ZFHX4: variants seen among roughly 807,000 people sequenced by gnomAD.
ZFHX4 encodes the protein zinc finger homeobox 4, also known as zinc finger homeobox protein 4.
A neutral mutation model predicts 267.6 loss-of-function variants in ZFHX4; 56 were observed. The ratio of observed to expected loss-of-function variants is 0.21; its 90% CI spans 0.17 to 0.26. ZFHX4 has a LOEUF of 0.26. Among genes scored for constraint, ZFHX4 ranks in the 10% least tolerant of loss-of-function variants. ZFHX4 has a pLI of 1.00. For synonymous variants in ZFHX4, 1,778 were observed against 1,665.6 expected, an observed-to-expected ratio of 1.07 and a Z score of -1.64; for missense variants, 4,332 against 4,420.0, an observed-to-expected ratio of 0.98 and a Z score of 0.56.
chr8:76,754,878 ACT>A (rs1466598354), intron 3 of ZFHX4, among the ~76,000 whole-genome samples: 5 of 151,882 alleles, frequency 3.3e-5, no homozygotes, highest in African/African-American at 1.2e-4. Context: ...ACCATAATTC[ACT>A]CTCTACTTCA....
At position 76,856,244 on chromosome 8, in the gene ZFHX4, T is replaced by C; in HGVS notation, c.9323T>C (p.Leu3108Pro). 1 of 1,613,908 alleles carries C rather than the reference T, an allele frequency of 6.2e-7. No homozygotes were observed. Residue 3108 changes from leucine to proline, a missense_variant, in exon 10 of 11, where the codon CTT (leucine) becomes CCT (proline). Transcript: ENST00000651372. ...GGACTCCCCGGCCTTCCTCCAGTCC[T>C]TCTCCCCGGAATGAACGGTCCATCC... is the stretch of plus-strand genomic sequence containing the variant. The part of the protein sequence containing the change: ...YPGLPGLPPV[L>P]LPGMNGPSSL...
intron 4 of ZFHX4, among the ~76,000 whole-genome samples, chr8:76,826,005 C>A (rs1186502923): frequency 6.6e-6 from 1 of 152,128 alleles, no homozygotes; most frequent in Admixed American, 6.5e-5. Context: ...GAAGAAATAT[C>A]TGAGGCAGAG....
intron 4 of ZFHX4, among the ~76,000 whole-genome samples, chr8:76,827,111 C>G (rs1811806422): frequency 6.6e-6 from 1 of 152,202 alleles, no homozygotes; most frequent in African/African-American, 2.4e-5. Flanking sequence ...TTTTTGGCAC[C>G]AGGAACTGGT....
rs1476525745 is a variant in ZFHX4 at position 76,706,392 on chromosome 8, G to T, written c.2304G>T (p.Arg768=). Residue 768 remains arginine (R), a synonymous_variant, in exon 2 of 11, where the codon CGG becomes CGT. Transcript: ENST00000651372. ...PSKPKQKPTW[R]CEVCDYETNV... ...AACCCAAACAGAAACCCACCTGGCGGTGTGAAGTTTGTGATTATGAAACCA... is the reference window on the plus strand; with the variant it reads ...AACCCAAACAGAAACCCACCTGGCGTTGTGAAGTTTGTGATTATGAAACCA... 1.9e-6 allele frequency: 3 copies of T among 1,614,040 alleles called. No homozygotes were observed. Among genetic ancestry groups the T allele is most frequent in the Non-Finnish European group, 2.5e-6 (3 of 1,180,004 alleles).
intron 4 of ZFHX4, among the ~76,000 whole-genome samples, chr8:76,808,578 T>C (rs1273069261): frequency 1.3e-5 from 2 of 152,132 alleles, no homozygotes; most frequent in Non-Finnish European, 1.5e-5. Flanking sequence ...ACCTTTATTT[T>C]CTCTTGAATG....
At chr8:76,846,348 A>G (rs925577692) in intron 6 of ZFHX4, among the ~76,000 whole-genome samples, 3 of 152,034 alleles carry the variant, frequency 2.0e-5, no homozygotes, top group Non-Finnish European at 2.9e-5. Flanking sequence ...CTAATGTTAG[A>G]TGTTCTAGCT....
At chr8:76,839,250 C>A (rs1019932686) in intron 5 of ZFHX4, among the ~76,000 whole-genome samples, 1 of 152,106 alleles carries the variant, frequency 6.6e-6, no homozygotes, top group African/African-American at 2.4e-5. Flanking sequence ...ATACTCTAAG[C>A]TAGTCATTCA....
chr8:76,726,217 A>T (rs1458913079), intron 3 of ZFHX4, among the ~76,000 whole-genome samples: 1 of 152,276 alleles, frequency 6.6e-6, no homozygotes, highest in East Asian at 1.9e-4. Flanking sequence ...TTTCAAATAA[A>T]ATGATTTTAC....
In ZFHX4 at chr8:76,808,015, C is replaced by T. The variant is rs144583376; in HGVS notation, c.3326-25323C>T. On this transcript the variant is annotated intron_variant, in intron 4 of 10. Transcript: ENST00000651372. ...AATACAACATAGCCTTGTGTGGTTC[C>T]CTTGCAATGTTGTTGAATAAATATG... Among the ~76,000 whole-genome samples the T allele has an allele frequency of 1.5e-4, 23 of 151,982 alleles. 1 individual carries two copies. The highest frequency in any genetic ancestry group is 4.3e-4 in the African/African-American group (18 of 41,452).
chr8:76,831,086 A>G (rs1022179877), intron 4 of ZFHX4, among the ~76,000 whole-genome samples: 2 of 152,236 alleles, frequency 1.3e-5, no homozygotes, highest in East Asian at 1.9e-4. Context: ...CTTGATTTGT[A>G]AAAGAAGGAT....
chr8:76,705,235 A>C lies in ZFHX4; in HGVS notation c.1147A>C (p.Lys383Gln), dbSNP rs748254858. ...TTTGCCGGCTGGCTTTGCCTTCTTA[A>C]AAGGAAGCGCGAGCACCTCGAGCTC... ...DSLPAGFAFL[K>Q]GSASTSSSAE... The change falls in exon 2 of 11, where the codon AAA becomes CAA. Residue 383 changes from lysine to glutamine, a missense_variant. By Grantham distance (53) the Lys-to-Gln change is moderately conservative (BLOSUM62 1). This residue lies in a region of ZFHX4 where 1,195 missense variants were observed against 1,173.6 expected (regional missense o/e 1.02). Transcript: ENST00000651372. The C allele has an allele frequency of 1.9e-6, 3 of 1,613,992 alleles. No individual in the cohort carries two copies. The highest frequency in any genetic ancestry group is 2.5e-6 in the Non-Finnish European group (3 of 1,179,894).
At chr8:76,799,231 G>C (rs1811058489) in intron 4 of ZFHX4, among the ~76,000 whole-genome samples, 1 of 152,064 alleles carries the variant, frequency 6.6e-6, no homozygotes, top group African/African-American at 2.4e-5. Context: ...AAGTCTCAGT[G>C]GTGCCTCTCC....
Position 76,851,275 on chromosome 8 carries a change from A to G in ZFHX4, c.4354A>G (p.Ser1452Gly), listed in dbSNP as rs747382789. 1.9e-6 allele frequency: 3 copies of G among 1,613,724 alleles called. No individual in the cohort carries two copies. Among genetic ancestry groups the G allele is most frequent in the Non-Finnish European group, 2.5e-6 (3 of 1,179,842 alleles). Residue 1452 changes from serine to glycine, a missense_variant, in exon 10 of 11, where the codon AGT (serine) becomes GGT (glycine). Physicochemically the swap from Ser to Gly is moderately conservative, Grantham distance 56 (BLOSUM62 0). Transcript: ENST00000651372. ...KHLEAGHPEL[S>G]EAELQQLYAS... ...CTTGGAAGCAGGCCACCCTGAACTG[A>G]GTGAAGCTGAACTTCAACAGCTATA...
At position 76,794,880 on chromosome 8, in the gene ZFHX4, T is replaced by C. The variant is rs1003956572; in HGVS notation, c.3325+16441T>C. Reference sequence around the variant, plus strand: ...AAGGCGGCTGGCCTGTCATTGTGTGTGTGTGTGTGTGTGTGTGTGTGTGTG... The same window carrying C: ...AAGGCGGCTGGCCTGTCATTGTGTGCGTGTGTGTGTGTGTGTGTGTGTGTG... On this transcript the variant is annotated intron_variant, in intron 4 of 10. Transcript: ENST00000651372. 3.3e-5 allele frequency among the ~76,000 whole-genome samples: 5 copies of C among 150,984 alleles called. No homozygotes were observed. The East Asian group carries it at 5.8e-4, about 18-fold the overall frequency.
intron 4 of ZFHX4, among the ~76,000 whole-genome samples, chr8:76,817,819 GT>G (rs1263417396): frequency 1.3e-5 from 2 of 152,188 alleles, no homozygotes; most frequent in Non-Finnish European, 2.9e-5. Context: ...AATAGCAAAT[GT>G]GGCAAATACT....
chr8:76,828,535 T>G (rs542004816), intron 4 of ZFHX4, among the ~76,000 whole-genome samples: 1 of 152,366 alleles, frequency 6.6e-6, no homozygotes, highest in East Asian at 1.9e-4. Context: ...GATACATGCC[T>G]AGCACCTAAC....
At chr8:76,687,831 C>T (rs189517320) in intron 1 of ZFHX4, among the ~76,000 whole-genome samples, 109 of 152,164 alleles carry the variant, frequency 7.2e-4, no homozygotes, top group African/African-American at 2.5e-3. Context: ...GTGAAAGCAT[C>T]GGAAAAGGAT....
intron 4 of ZFHX4, among the ~76,000 whole-genome samples, chr8:76,789,139 C>A (rs1341783427): frequency 1.3e-5 from 2 of 152,092 alleles, no homozygotes; most frequent in Non-Finnish European, 2.9e-5. Context: ...TGTGAAAGTC[C>A]TCAAAAGAGC....
At chr8:76,746,296 T>C (rs1302695383) in intron 3 of ZFHX4, among the ~76,000 whole-genome samples, 1 of 152,126 alleles carries the variant, frequency 6.6e-6, no homozygotes, top group Non-Finnish European at 1.5e-5. Context: ...TCCCAGCTAC[T>C]TGGGAGGCTG....
Sources: allele counts gnomAD v4.1 joint callset (sites outside exome capture counted in the v4.1 genomes callset), GRCh38; gene constraint gnomAD v4.1.1; regional missense constraint gnomAD v4.1.1; transcripts MANE v1.5; gene names NCBI Gene and HGNC (gene_info 2026-07-23, HGNC 2026-07-21).